Variants in STOML3 observed in about 807,000 individuals in gnomAD.
STOML3 encodes the protein stomatin like 3, also known as stomatin-like protein 3.
A neutral mutation model predicts 29.5 loss-of-function variants in STOML3; 31 were observed. The ratio of observed to expected loss-of-function variants is 1.05; its 90% CI spans 0.79 to 1.42. The LOEUF (loss-of-function observed/expected upper bound fraction) is 1.42, where lower values mean the gene tolerates loss of function less well. STOML3 is among the 40% of genes most tolerant of loss of function. The pLI is 0.00. For missense variants in STOML3, 380 were observed against 363.0 expected (o/e 1.05, Z -0.38); for synonymous variants, 122 against 139.8 (o/e 0.87, Z 0.90).
chr13:38,966,850 T>C lies in STOML3; in HGVS notation c.851A>G (p.His284Arg). The C allele has an allele frequency of 6.2e-7, 1 of 1,613,530 alleles. No homozygotes were observed. The highest frequency in any genetic ancestry group is 1.8e-4 in the Middle Eastern group (1 of 5,670). ...EGIGGVSYDNHKKLPNKA is the reference protein window; with the variant it reads ...EGIGGVSYDNRKKLPNKA ...TCAGGCTTTATTTGGAAGCTTCTTG[T>C]GGTTATCATAGCTGACGCCACCAAT... is the stretch of plus-strand genomic sequence containing the variant. Residue 284 changes from histidine to arginine, a missense_variant, in exon 7 of 7, where the codon CAC becomes CGC. Physicochemically the swap from His to Arg is conservative, Grantham distance 29. Transcript: ENST00000379631.
chr13:38,970,856 G>T (rs766891306), intron 4 of STOML3, among the ~76,000 whole-genome samples: 8 of 152,040 alleles, frequency 5.3e-5, no homozygotes, highest in Non-Finnish European at 1.0e-4. Context: ...AATCGATTTC[G>T]CTCTATGGAG....
intron 3 of STOML3, among the ~76,000 whole-genome samples, chr13:38,974,020 AT>A (rs1880983423): frequency 6.6e-6 from 1 of 152,160 alleles, no homozygotes; most frequent in Admixed American, 6.5e-5. Context: ...TTCATGTACA[AT>A]AGCATTCTCC....
chr13:38,966,760 C>A lies in STOML3; in HGVS notation c.*65G>T. On this transcript the variant is annotated 3_prime_UTR_variant, in exon 7 of 7. Coordinates refer to ENST00000379631, the MANE Select transcript of STOML3 (RefSeq NM_145286.3). Reference sequence around the variant, plus strand: ...GTGTTGGAATTCTCACCGTTTCTAACTACTGGCTTCTCCATAGGAATAGAC... The same window carrying A: ...GTGTTGGAATTCTCACCGTTTCTAAATACTGGCTTCTCCATAGGAATAGAC... The A allele has an allele frequency of 7.4e-7, 1 of 1,342,826 alleles. No homozygotes were observed. Among genetic ancestry groups the A allele is most frequent in the South Asian group, 1.2e-5 (1 of 81,522 alleles). The allele number at this position is 1,342,826 out of a possible 1,614,324, so 83.2% of individuals were successfully genotyped here.
intron 1 of STOML3, among the ~76,000 whole-genome samples, chr13:38,986,983 C>A (rs960647544): frequency 6.6e-6 from 1 of 152,016 alleles, no homozygotes; most frequent in Non-Finnish European, 1.5e-5. Flanking sequence ...GATTCCAATT[C>A]ACTTTAACTC....
At chr13:38,977,750 A>ATTTTTTTTTT (rs397851686) in intron 1 of STOML3, among the ~76,000 whole-genome samples, 5 of 84,234 alleles carry the variant, frequency 5.9e-5, no homozygotes, top group African/African-American at 8.0e-5. Flanking sequence ...AAGTCTCCGG[A>ATTTTTTTTTT]TTTTTTTTTT....
intron 6 of STOML3, 66 bp downstream of exon 6, chr13:38,968,334 G>A (rs1880730435): frequency 1.8e-5 from 29 of 1,581,514 alleles, no homozygotes; most frequent in Non-Finnish European, 2.4e-5. Context: ...TTCTGTTCAA[G>A]TCCTATCCTT....
intron 5 of STOML3, 75 bp downstream of exon 5, chr13:38,970,110 G>T: frequency 1.4e-6 from 2 of 1,403,350 alleles, no homozygotes; most frequent in Non-Finnish European, 2.0e-6. Context: ...GCTTTGAACT[G>T]CTGACATTTA....
chr13:38,981,762 A>G (rs1467211412), intron 1 of STOML3, among the ~76,000 whole-genome samples: 1 of 152,202 alleles, frequency 6.6e-6, no homozygotes, highest in Non-Finnish European at 1.5e-5. Flanking sequence ...AAAGACTGGC[A>G]ATACCATGTT....
chr13:38,972,430 G>A, intron 4 of STOML3, 82 bp downstream of exon 4: 1 of 1,387,128 alleles, frequency 7.2e-7, no homozygotes, highest in East Asian at 2.3e-5. Context: ...TAGTTTAAAA[G>A]TGAACTATAA....
At chr13:38,971,234 T>A (rs1420734931) in intron 4 of STOML3, among the ~76,000 whole-genome samples, 1 of 152,146 alleles carries the variant, frequency 6.6e-6, no homozygotes, top group Non-Finnish European at 1.5e-5. Flanking sequence ...GGTTTCGCCA[T>A]GTTGGCCAGG....
At chr13:38,983,500 C>T (rs1881337219) in intron 1 of STOML3, among the ~76,000 whole-genome samples, 1 of 152,098 alleles carries the variant, frequency 6.6e-6, no homozygotes, top group East Asian at 1.9e-4. Flanking sequence ...AATGGTTTCT[C>T]TATATATGCA....
intron 1 of STOML3, among the ~76,000 whole-genome samples, chr13:38,989,190 T>G (rs1271627153): frequency 1.3e-5 from 2 of 151,906 alleles, no homozygotes; most frequent in African/African-American, 4.8e-5. Flanking sequence ...AGCCCCATTT[T>G]GTTCATTCTG....
chr13:38,988,180 T>A (rs1442390756), intron 1 of STOML3, among the ~76,000 whole-genome samples: 8 of 94,298 alleles, frequency 8.5e-5, no homozygotes, highest in Admixed American at 3.5e-4. Flanking sequence ...ATATTATATT[T>A]TATATAAAAT....
intron 5 of STOML3, among the ~76,000 whole-genome samples, chr13:38,969,903 T>C (rs1351223222): frequency 2.0e-5 from 3 of 152,194 alleles, no homozygotes; most frequent in Non-Finnish European, 2.9e-5. Flanking sequence ...AAAAAGACTA[T>C]ACTTGTAAGA....
At chr13:38,987,502 A>AC (rs1868630218) in intron 1 of STOML3, among the ~76,000 whole-genome samples, 1 of 151,484 alleles carries the variant, frequency 6.6e-6, no homozygotes, top group South Asian at 2.1e-4. Flanking sequence ...TAAAAATAAA[A>AC]TAAATAAAGT....
intron 4 of STOML3, among the ~76,000 whole-genome samples, chr13:38,970,670 C>T (rs950455823): frequency 6.6e-6 from 1 of 152,190 alleles, no homozygotes; most frequent in South Asian, 2.1e-4. Flanking sequence ...ACAGGCCCTT[C>T]CATTTTAAAT....
intron 1 of STOML3, 89 bp downstream of exon 1, chr13:38,990,581 A>G: frequency 7.6e-7 from 1 of 1,319,852 alleles, no homozygotes; most frequent in Non-Finnish European, 1.1e-6. Flanking sequence ...AATATATCTC[A>G]TACTTACTCT....
Position 38,965,945 on chromosome 13 carries a change from TA to T in STOML3, c.*879del, listed in dbSNP as rs1593494283. ...AAAAGTAACTTTTGAAATTCATTTA[TA>T]TTCTATGCCTTCTTTGTTTTGAACA... On this transcript the variant is annotated 3_prime_UTR_variant, in exon 7 of 7. Coordinates refer to ENST00000379631, the MANE Select transcript of STOML3 (RefSeq NM_145286.3). 2.0e-5 allele frequency: 3 copies of T among 152,166 alleles called. No individual in the cohort carries two copies. The highest frequency in any genetic ancestry group is 4.8e-5 in the African/African-American group (2 of 41,430). 9.4% of individuals were successfully genotyped at this position (152,166 alleles called of 1,614,324 possible).
At chr13:38,988,214 ATGATATTTTATATC>A (rs1471030920) in intron 1 of STOML3, among the ~76,000 whole-genome samples, 1 of 68,008 alleles carries the variant, frequency 1.5e-5, no homozygotes, top group African/African-American at 9.6e-5. Flanking sequence ...TATAAAATAT[ATGATATTTTATATC>A]ATATATTTTA....
Sources: allele counts gnomAD v4.1 joint callset (sites outside exome capture counted in the v4.1 genomes callset), GRCh38; gene constraint gnomAD v4.1.1; transcripts MANE v1.5; gene names NCBI Gene and HGNC (gene_info 2026-07-23, HGNC 2026-07-21).